PPP1R14A: variants seen among roughly 807,000 people sequenced by gnomAD.
PPP1R14A encodes the protein protein phosphatase 1 regulatory inhibitor subunit 14A.
In PPP1R14A, 9 loss-of-function variants were observed where a neutral mutation model predicts 14.1. That is an observed-to-expected ratio of 0.64 (90% CI 0.38 to 1.11). The LOEUF is 1.11. Ranked by LOEUF, PPP1R14A falls within the 50% of genes most tolerant of loss-of-function variation. The pLI is 0.01. For missense variants in PPP1R14A, 208 were observed against 200.7 expected, an observed-to-expected ratio of 1.04 and a Z score of -0.22; for synonymous variants, 93 against 88.7, an observed-to-expected ratio of 1.05 and a Z score of -0.27.
intron 3 of PPP1R14A, 21 bp from the exon 4 acceptor site, chr19:38,251,467 T>C: frequency 6.5e-7 from 1 of 1,543,686 alleles, no homozygotes; most frequent in Non-Finnish European, 8.6e-7. Flanking sequence ...GTGGGGGAGC[T>C]GAGAACATGG....
rs1219601196 is a variant in PPP1R14A at position 38,256,113 on chromosome 19, C to T, written c.201+26G>A. ...CGCCCGGGCTCTATCTGTCCCCGAC[C>T]ACCCCCGAGCCCTCCCCGGGCTCAC... On this transcript the variant is annotated intron_variant, in intron 1 of 3. Coordinates refer to ENST00000301242, the MANE Select transcript of PPP1R14A (RefSeq NM_033256.3). The surrounding 1 kb of genome is among the most constrained non-coding windows in gnomAD (Gnocchi z 5.7). 2 of 1,527,666 alleles carry T rather than the reference C, an allele frequency of 1.3e-6. No homozygotes were observed. Among genetic ancestry groups the T allele is most frequent in the Admixed American group, 4.0e-5 (2 of 50,252 alleles). 94.6% of individuals were successfully genotyped at this position (1,527,666 alleles called of 1,614,324 possible). A position where few individuals can be genotyped will look rare whatever the true frequency, so the allele number is the denominator to read the frequency against.
chr19:38,256,301 C>T lies in PPP1R14A; in HGVS notation c.39G>A (p.Lys13=), dbSNP rs1192316493. Residue 13 remains lysine (K), a synonymous_variant, in exon 1 of 4, where the codon AAG becomes AAA. Coordinates refer to ENST00000301242, the MANE Select transcript of PPP1R14A (RefSeq NM_033256.3). This position sits in a 1 kb window ranked among gnomAD's most constrained non-coding sequence, Gnocchi z 5.7. Reference sequence around the variant, plus strand: ...CGCGGGCCCGCGATGGAGACTGCAGCTTGCTCAGCACGCGCTTGCCCAGCC... The same window carrying T: ...CGCGGGCCCGCGATGGAGACTGCAGTTTGCTCAGCACGCGCTTGCCCAGCC... ...AQRLGKRVLS[K]LQSPSRARGP... 6.5e-7 allele frequency: 1 copy of T among 1,533,512 alleles called. No individual in the cohort carries two copies. The allele number at this position is 1,533,512 out of a possible 1,614,324, so 95.0% of individuals were successfully genotyped here.
chr19:38,251,252 C>G lies in PPP1R14A; in HGVS notation c.*66G>C, dbSNP rs1968185178. 3.0e-6 allele frequency: 4 copies of G among 1,343,684 alleles called. No individual in the cohort carries two copies. In the East Asian group the frequency reaches 1.2e-4, roughly 42 times the overall value. The allele number at this position is 1,343,684 out of a possible 1,614,324, so 83.2% of individuals were successfully genotyped here. A position where few individuals can be genotyped will look rare whatever the true frequency, so the allele number is the denominator to read the frequency against. ...CCACACAGTGTTATTGTTACAGAACCATTAAATACAACTTATACACAAGCA... is the reference window on the plus strand; with the variant it reads ...CCACACAGTGTTATTGTTACAGAACGATTAAATACAACTTATACACAAGCA... On this transcript the variant is annotated 3_prime_UTR_variant, in exon 4 of 4. Coordinates refer to ENST00000301242, the MANE Select transcript of PPP1R14A (RefSeq NM_033256.3).
chr19:38,254,823 C>T (rs1465019383), intron 1 of PPP1R14A, among the ~76,000 whole-genome samples: 1 of 151,992 alleles, frequency 6.6e-6, no homozygotes, highest in Non-Finnish European at 1.5e-5. Context: ...GACGGAGTTT[C>T]GCTCTTGTTG....
Position 38,256,277 on chromosome 19 carries a change from G to A in PPP1R14A, c.63C>T (p.Arg21=). Residue 21 remains arginine, a synonymous_variant, in exon 1 of 4, where the codon CGC becomes CGT. Transcript: ENST00000301242. The surrounding 1 kb of genome is among the most constrained non-coding windows in gnomAD (Gnocchi z 5.7). ...GCCCCCCGGGACTGCCCCCTGGCCC[G>A]CGGGCCCGCGATGGAGACTGCAGCT... ...LSKLQSPSRA[R]GPGGSPGGLQ... is the part of the protein sequence containing the mutation. The A allele has an allele frequency of 1.3e-6, 2 of 1,541,852 alleles. No individual in the cohort carries two copies. The highest frequency in any genetic ancestry group is 2.4e-5 in the South Asian group (2 of 84,332).
At position 38,252,099 on chromosome 19, in the gene PPP1R14A, T is replaced by G; in HGVS notation, c.315+207A>C. 1 of 603,392 alleles carries G rather than the reference T, an allele frequency of 1.7e-6. No individual in the cohort carries two copies. Among genetic ancestry groups the G allele is most frequent in the East Asian group, 2.8e-5 (1 of 36,062 alleles). 37.4% of individuals were successfully genotyped at this position (603,392 alleles called of 1,614,324 possible). A position where few individuals can be genotyped will look rare whatever the true frequency, so the allele number is the denominator to read the frequency against. On this transcript the variant is annotated intron_variant, in intron 3 of 3. Coordinates refer to ENST00000301242, the MANE Select transcript of PPP1R14A (RefSeq NM_033256.3). The surrounding 1 kb of genome is among the most constrained non-coding windows in gnomAD (Gnocchi z 4.1). ...TGGGGGAGGACAGAATGGAGCCCCC[T>G]CAGCAGATGGGGGAGAGAGGGAGAG...
At chr19:38,251,575 G>C in intron 3 of PPP1R14A, 129 bp from the exon 4 acceptor site, 1 of 628,824 alleles carries the variant, frequency 1.6e-6, no homozygotes, top group East Asian at 3.4e-5. Context: ...AGTTAGGGGC[G>C]GAGGCTATAG....
In PPP1R14A at chr19:38,256,317, T is replaced by C. The variant is rs764336163; in HGVS notation, c.23A>G (p.Lys8Arg). ...AGACTGCAGCTTGCTCAGCACGCGCTTGCCCAGCCGCTGAGCTGCCATCGC... is the reference window on the plus strand; with the variant it reads ...AGACTGCAGCTTGCTCAGCACGCGCCTGCCCAGCCGCTGAGCTGCCATCGC... MAAQRLGKRVLSKLQSPS... is the reference protein window; with the variant it reads MAAQRLGRRVLSKLQSPS... Residue 8 changes from lysine to arginine, a missense_variant, in exon 1 of 4, where the codon AAG becomes AGG. Lys to Arg is a conservative substitution (Grantham distance 26). Transcript: ENST00000301242. This position sits in a 1 kb window ranked among gnomAD's most constrained non-coding sequence, Gnocchi z 5.7. 84 of 1,511,104 alleles carry C rather than the reference T, an allele frequency of 5.6e-5. No homozygotes were observed. The highest frequency in any genetic ancestry group is 7.1e-5 in the Non-Finnish European group (81 of 1,135,270). 93.6% of individuals were successfully genotyped at this position (1,511,104 alleles called of 1,614,324 possible).
intron 1 of PPP1R14A, 156 bp from the exon 2 acceptor site, chr19:38,253,130 T>A: frequency 1.6e-6 from 1 of 609,976 alleles, no homozygotes; most frequent in Non-Finnish European, 2.9e-6. Context: ...AGACGGGACA[T>A]CTGGGTGTTG....
In PPP1R14A at chr19:38,252,839, A is replaced by T; in HGVS notation, c.282+55T>A. 7.9e-7 allele frequency: 1 copy of T among 1,266,512 alleles called. No individual in the cohort carries two copies. Among genetic ancestry groups the T allele is most frequent in the Non-Finnish European group, 1.2e-6 (1 of 863,222 alleles). 78.5% of individuals were successfully genotyped at this position (1,266,512 alleles called of 1,614,324 possible). Reference sequence around the variant, plus strand: ...CTCAGTAAACACGTGAACTATTGCTATTATTTTTAGGGAGGTGCAAAGTGG... The same window carrying T: ...CTCAGTAAACACGTGAACTATTGCTTTTATTTTTAGGGAGGTGCAAAGTGG... On this transcript the variant is annotated intron_variant, in intron 2 of 3. Transcript: ENST00000301242. This position sits in a 1 kb window ranked among gnomAD's most constrained non-coding sequence, Gnocchi z 4.1.
In PPP1R14A at chr19:38,256,265, G is replaced by A. The variant is rs1236320304; in HGVS notation, c.75C>T (p.Gly25=). Residue 25 remains glycine, a synonymous_variant, in exon 1 of 4, where the codon GGC becomes GGT. Transcript: ENST00000301242. The surrounding 1 kb of genome is among the most constrained non-coding windows in gnomAD (Gnocchi z 5.7). ...QSPSRARGPG[G]SPGGLQKRHA... ...GCCGCTTCTGCAGCCCCCCGGGACT[G>A]CCCCCTGGCCCGCGGGCCCGCGATG... The A allele has an allele frequency of 6.5e-7, 1 of 1,545,356 alleles. No individual in the cohort carries two copies. The highest frequency in any genetic ancestry group is 1.2e-5 in the South Asian group (1 of 84,488).
chr19:38,253,169 G>T, intron 1 of PPP1R14A, 195 bp from the exon 2 acceptor site: 1 of 578,162 alleles, frequency 1.7e-6, no homozygotes. Context: ...TGGGCTGAGA[G>T]AGCCCCGGGG....
At chr19:38,254,972 C>T (rs1177642818) in intron 1 of PPP1R14A, among the ~76,000 whole-genome samples, 1 of 151,866 alleles carries the variant, frequency 6.6e-6, no homozygotes, top group Non-Finnish European at 1.5e-5. Context: ...TTAGTAGAGA[C>T]GGGATTTCTC....
Position 38,251,299 on chromosome 19 carries a change from CA to C in PPP1R14A, c.*18del, listed in dbSNP as rs775783001. The stretch of plus-strand genomic sequence containing the variant: ...AGCAAGCTGGGCGGCGTCCGGGGGG[CA>C]GGGAGAGTGCAAGAGGGTCAGGGGT... On this transcript the variant is annotated 3_prime_UTR_variant, in exon 4 of 4. Coordinates refer to ENST00000301242, the MANE Select transcript of PPP1R14A (RefSeq NM_033256.3). The C allele has an allele frequency of 6.9e-7, 1 of 1,451,886 alleles. No homozygotes were observed. Among genetic ancestry groups the C allele is most frequent in the East Asian group, 2.8e-5 (1 of 35,550 alleles). 89.9% of individuals were successfully genotyped at this position (1,451,886 alleles called of 1,614,324 possible). A position where few individuals can be genotyped will look rare whatever the true frequency, so the allele number is the denominator to read the frequency against.
chr19:38,251,351 G>A lies in PPP1R14A; in HGVS notation c.411C>T (p.Pro137=). 1.9e-6 allele frequency: 3 copies of A among 1,544,120 alleles called. No homozygotes were observed. The highest frequency in any genetic ancestry group is 2.6e-6 in the Non-Finnish European group (3 of 1,156,218). The change falls in exon 4 of 4, where the codon CCC becomes CCT. Residue 137 remains proline (P), a synonymous_variant. Coordinates refer to ENST00000301242, the MANE Select transcript of PPP1R14A (RefSeq NM_033256.3). ...PSPSHDGSLS[P]LQDRARTAHP is the part of the protein sequence containing the mutation. ...GAGCAGTCCGGGCCCGGTCCTGGAGGGGGCTGAGGCTGCCGTCGTGGGAGG... is the reference window on the plus strand; with the variant it reads ...GAGCAGTCCGGGCCCGGTCCTGGAGAGGGCTGAGGCTGCCGTCGTGGGAGG...
At position 38,252,132 on chromosome 19, in the gene PPP1R14A, TAGG is replaced by T; in HGVS notation, c.315+171_315+173del. 3 of 624,432 alleles carry T rather than the reference TAGG, an allele frequency of 4.8e-6. No individual in the cohort carries two copies. Among genetic ancestry groups the T allele is most frequent in the African/African-American group, 1.9e-5 (1 of 52,882 alleles). 38.7% of individuals were successfully genotyped at this position (624,432 alleles called of 1,614,324 possible). On this transcript the variant is annotated intron_variant, in intron 3 of 3. Transcript: ENST00000301242. The surrounding 1 kb of genome is among the most constrained non-coding windows in gnomAD (Gnocchi z 4.1). ...TGGGGGAGAGAGGGAGAGAGACAAGTAGGAGGACAAAAGACACCCCTGGAGACC... is the reference window on the plus strand; with the variant it reads ...TGGGGGAGAGAGGGAGAGAGACAAGTAGGACAAAAGACACCCCTGGAGACC...
intron 1 of PPP1R14A, among the ~76,000 whole-genome samples, chr19:38,254,170 T>C (rs1007365417): frequency 5.9e-5 from 9 of 152,094 alleles, no homozygotes; most frequent in African/African-American, 1.4e-4. Flanking sequence ...CACTGTAGCA[T>C]ACAGAAGTCA....
Position 38,256,092 on chromosome 19 carries a change from C to T in PPP1R14A, c.201+47G>A, listed in dbSNP as rs925328490. On this transcript the variant is annotated intron_variant, in intron 1 of 3. Coordinates refer to ENST00000301242, the MANE Select transcript of PPP1R14A (RefSeq NM_033256.3). The surrounding 1 kb of genome is among the most constrained non-coding windows in gnomAD (Gnocchi z 5.7). ...CCCAAGGGCGTGGGGTCTCCGCGCC[C>T]GGGCTCTATCTGTCCCCGACCACCC... 4 of 1,490,554 alleles carry T rather than the reference C, an allele frequency of 2.7e-6. No individual in the cohort carries two copies. The Admixed American group carries it at 6.3e-5, about 24-fold the overall frequency. The allele number at this position is 1,490,554 out of a possible 1,614,324, so 92.3% of individuals were successfully genotyped here.
intron 1 of PPP1R14A, among the ~76,000 whole-genome samples, chr19:38,254,763 T>A (rs1968228033): frequency 6.6e-6 from 1 of 152,216 alleles, no homozygotes; most frequent in Non-Finnish European, 1.5e-5. Context: ...CAGTTGTATG[T>A]CCACCTGTTC....
Sources: allele counts gnomAD v4.1 joint callset (sites outside exome capture counted in the v4.1 genomes callset), GRCh38; gene constraint gnomAD v4.1.1; non-coding constraint Gnocchi (gnomAD v3.1); transcripts MANE v1.5; gene names NCBI Gene and HGNC (gene_info 2026-07-23, HGNC 2026-07-21).